The following RIPOR2 variants were observed in gnomAD, a reference collection of about 807,000 sequenced individuals.
RIPOR2 encodes the protein RHO family interacting cell polarization regulator 2, also known as rho family-interacting cell polarization regulator 2.
A neutral mutation model predicts 114.5 loss-of-function variants in RIPOR2; 39 were observed. That is an observed-to-expected ratio of 0.34 (90% CI 0.26 to 0.44). The LOEUF (loss-of-function observed/expected upper bound fraction) is 0.44. RIPOR2 is among the 20% of genes least tolerant of loss of function. The probability of loss-of-function intolerance (pLI) is 1.00; values close to 1 mark genes in which losing one functional copy is unlikely to be tolerated. For synonymous variants in RIPOR2, 445 were observed against 484.4 expected, an observed-to-expected ratio of 0.92 and a Z score of 1.07; for missense variants, 1,007 against 1,255.1, an observed-to-expected ratio of 0.80 and a Z score of 2.99.
intron 12 of RIPOR2, 113 bp downstream of exon 12, chr6:24,847,912 C>T: frequency 7.1e-7 from 1 of 1,403,524 alleles, no homozygotes. Flanking sequence ...GGAGGCTCAC[C>T]ACCTCTGATA....
At chr6:24,994,943 A>G (rs991706134) in intron 1 of RIPOR2, among the ~76,000 whole-genome samples, 7 of 152,186 alleles carry the variant, frequency 4.6e-5, no homozygotes, top group Non-Finnish European at 8.8e-5. Flanking sequence ...TTTAGACATT[A>G]TACTGTGATG....
Position 24,825,419 on chromosome 6 carries a change from A to T in RIPOR2, c.2675T>A (p.Val892Asp). The change falls in exon 19 of 22, where the codon GTT (valine) becomes GAT (aspartate). Residue 892 changes from valine to aspartate, a missense_variant. Transcript: ENST00000643898. ...LSQLARQVSMVQTLQSLRDEK... is the reference protein window; with the variant it reads ...LSQLARQVSMDQTLQSLRDEK... ...ATCTCTTAGTGATTGCAGAGTCTGA[A>T]CCATGGAAACTGGAGGGTAAGAAGG... 4 of 1,551,602 alleles carry T rather than the reference A, an allele frequency of 2.6e-6. No homozygotes were observed. Among genetic ancestry groups the T allele is most frequent in the Non-Finnish European group, 3.5e-6 (4 of 1,146,534 alleles).
In RIPOR2 at chr6:24,858,081, G is replaced by T. The variant is rs1763662213; in HGVS notation, c.715+2892C>A. On this transcript the variant is annotated intron_variant, in intron 8 of 21. Transcript: ENST00000643898. The surrounding 1 kb of genome is among the most constrained non-coding windows in gnomAD (Gnocchi z 4.0). ...TGCTCCTCTCCCCAACTAGAGAGGT[G>T]AGTGGCAACCTTTTCCTCCTCTCCC... is the stretch of plus-strand genomic sequence containing the variant. Among the ~76,000 whole-genome samples, 1 of 152,204 alleles carries T rather than the reference G, an allele frequency of 6.6e-6. No individual in the cohort carries two copies. Among genetic ancestry groups the T allele is most frequent in the South Asian group, 2.1e-4 (1 of 4,826 alleles).
intron 1 of RIPOR2, among the ~76,000 whole-genome samples, chr6:24,955,473 T>C (rs933165870): frequency 6.8e-6 from 1 of 147,108 alleles, no homozygotes; most frequent in African/African-American, 2.5e-5. Flanking sequence ...TGCTCACAAT[T>C]TTTAAAAAAG....
At chr6:24,893,134 A>G (rs1767538453) in intron 1 of RIPOR2, among the ~76,000 whole-genome samples, 1 of 152,264 alleles carries the variant, frequency 6.6e-6, no homozygotes, top group Admixed American at 6.5e-5. Context: ...ATACTTCAAC[A>G]GCAACAATCA....
chr6:24,910,847 G>T, intron 1 of RIPOR2: 2 of 985,450 alleles, frequency 2.0e-6, no homozygotes, highest in African/African-American at 3.5e-5. Flanking sequence ...GTCATGTCAG[G>T]GGCACACTCA....
At chr6:24,866,342 C>T (rs1275378403) in intron 6 of RIPOR2, among the ~76,000 whole-genome samples, 1 of 152,012 alleles carries the variant, frequency 6.6e-6, no homozygotes, top group East Asian at 1.9e-4. Flanking sequence ...GCCTGATAAT[C>T]AGCTAATTCT....
rs181301244 is a variant in RIPOR2 at position 24,804,323 on chromosome 6, G to A, written c.*2050C>T. On this transcript the variant is annotated 3_prime_UTR_variant, in exon 22 of 22. Coordinates refer to ENST00000643898, the MANE Select transcript of RIPOR2 (RefSeq NM_001286445.3). ...AAATAATTTTTATTTTAACTTACAT[G>A]ACTGAAAGATCAATGAATACAAATG... is the stretch of plus-strand genomic sequence containing the variant. 2 of 152,122 alleles carry A rather than the reference G, an allele frequency of 1.3e-5. No individual in the cohort carries two copies. The highest frequency in any genetic ancestry group is 2.9e-5 in the Non-Finnish European group (2 of 68,010). The allele number at this position is 152,122 out of a possible 1,614,324, so 9.4% of individuals were successfully genotyped here. A position where few individuals can be genotyped will look rare whatever the true frequency, so the allele number is the denominator to read the frequency against.
intron 1 of RIPOR2, among the ~76,000 whole-genome samples, chr6:24,993,433 G>A (rs1774921447): frequency 6.6e-6 from 1 of 152,152 alleles, no homozygotes; most frequent in Admixed American, 6.5e-5. Context: ...CCATTTGCTT[G>A]GTAGATTTTC....
At chr6:24,973,749 A>T (rs541553605) in intron 1 of RIPOR2, among the ~76,000 whole-genome samples, 3 of 152,292 alleles carry the variant, frequency 2.0e-5, no homozygotes, top group African/African-American at 7.2e-5. Flanking sequence ...TACACCATGG[A>T]ATACAATGCA....
At chr6:24,979,841 T>A (rs1254242978) in intron 1 of RIPOR2, among the ~76,000 whole-genome samples, 1 of 152,158 alleles carries the variant, frequency 6.6e-6, no homozygotes, top group Non-Finnish European at 1.5e-5. Context: ...CCTTTGTAAG[T>A]AACCAGTCTC....
chr6:24,999,613 T>G (rs979881422), intron 1 of RIPOR2, among the ~76,000 whole-genome samples: 2 of 151,172 alleles, frequency 1.3e-5, no homozygotes, highest in African/African-American at 4.9e-5. Context: ...TGGAGCACAG[T>G]GGCATGATCT....
At chr6:24,809,617 T>C in intron 21 of RIPOR2, 100 bp downstream of exon 21, 3 of 802,772 alleles carry the variant, frequency 3.7e-6, no homozygotes, top group South Asian at 3.0e-5. Flanking sequence ...ACAGGGTACA[T>C]GAAACTTCTC....
chr6:25,034,623 C>A (rs527983472), intron 1 of RIPOR2, among the ~76,000 whole-genome samples: 113 of 152,330 alleles, frequency 7.4e-4, no homozygotes, highest in Middle Eastern at 6.8e-3. Flanking sequence ...AAACAAACAA[C>A]CTGAGAATTA....
chr6:24,839,773 T>C, intron 13 of RIPOR2: 5 of 1,402,718 alleles, frequency 3.6e-6, no homozygotes, highest in Non-Finnish European at 4.6e-6. Context: ...CAATGCTGAA[T>C]ACTGACCAAT....
intron 21 of RIPOR2, among the ~76,000 whole-genome samples, chr6:24,806,902 A>G (rs1780807766): frequency 6.6e-6 from 1 of 152,232 alleles, no homozygotes; most frequent in Non-Finnish European, 1.5e-5. Context: ...GGTAAAATCA[A>G]TCTTAGGCTT....
intron 17 of RIPOR2, among the ~76,000 whole-genome samples, chr6:24,829,140 C>G (rs1760447192): frequency 6.6e-6 from 1 of 151,898 alleles, no homozygotes; most frequent in African/African-American, 2.4e-5. Context: ...TGGCGGAACC[C>G]TGTTTCTACT....
rs936269103 is a variant in RIPOR2, at chr6:24,847,878, G to T, written c.1164+147C>A. The T allele has an allele frequency of 6.0e-6, 7 of 1,173,368 alleles. No individual in the cohort carries two copies. The Admixed American group carries it at 1.5e-4, about 25-fold the overall frequency. 72.7% of individuals were successfully genotyped at this position (1,173,368 alleles called of 1,614,324 possible). A position where few individuals can be genotyped will look rare whatever the true frequency, so the allele number is the denominator to read the frequency against. ...TTACCATCACAGCAATAGGTAAGGTGGGCAAGGAGAGAGGAAAAACAGAGG... is the reference window on the plus strand; with the variant it reads ...TTACCATCACAGCAATAGGTAAGGTTGGCAAGGAGAGAGGAAAAACAGAGG... On this transcript the variant is annotated intron_variant, in intron 12 of 21. Coordinates refer to ENST00000643898, the MANE Select transcript of RIPOR2 (RefSeq NM_001286445.3).
chr6:25,023,503 C>T (rs919233206), intron 1 of RIPOR2: 12 of 771,020 alleles, frequency 1.6e-5, no homozygotes, highest in African/African-American at 6.8e-5. Context: ...CAAATTCACA[C>T]TCAGGGCTAT....
Sources: allele counts gnomAD v4.1 joint callset (sites outside exome capture counted in the v4.1 genomes callset), GRCh38; gene constraint gnomAD v4.1.1; non-coding constraint Gnocchi (gnomAD v3.1); transcripts MANE v1.5; gene names NCBI Gene and HGNC (gene_info 2026-07-23, HGNC 2026-07-21).